SGCZ: variants seen among roughly 807,000 people sequenced by gnomAD.
SGCZ encodes the protein sarcoglycan zeta.
Under a neutral mutation model 41.3 loss-of-function variants are expected in SGCZ, and 40 were observed. That is an observed-to-expected ratio of 0.97 (90% CI 0.75 to 1.26). The LOEUF (loss-of-function observed/expected upper bound fraction) is 1.26, where lower values mean the gene tolerates loss of function less well. SGCZ is among the 50% of genes most tolerant of loss of function. SGCZ has a pLI of 0.00. For missense variants in SGCZ, 552 were observed against 369.8 expected, an observed-to-expected ratio of 1.49 and a Z score of -4.04; for synonymous variants, 206 against 137.5, an observed-to-expected ratio of 1.50 and a Z score of -3.49.
intron 2 of SGCZ, among the ~76,000 whole-genome samples, chr8:14,518,348 A>ATG (rs1315731757): frequency 6.6e-6 from 1 of 152,110 alleles, no homozygotes; most frequent in Non-Finnish European, 1.5e-5. Flanking sequence ...GTGTGTATGT[A>ATG]TGTGTGTATA....
At chr8:14,702,770 TAGATAGATAGACAGAC>T (rs1809184340) in intron 1 of SGCZ, among the ~76,000 whole-genome samples, 1 of 138,950 alleles carries the variant, frequency 7.2e-6, no homozygotes, top group Non-Finnish European at 1.6e-5. Flanking sequence ...GATAGATAGA[TAGATAGATAGACAGAC>T]AGACAGGCAG....
chr8:14,497,757 G>A (rs183007000), intron 2 of SGCZ, among the ~76,000 whole-genome samples: 1 of 151,946 alleles, frequency 6.6e-6, no homozygotes, highest in Non-Finnish European at 1.5e-5. Context: ...CCTCCCACTG[G>A]GTCCCACCAC....
intron 2 of SGCZ, among the ~76,000 whole-genome samples, chr8:14,443,014 T>C (rs937820935): frequency 3.3e-5 from 5 of 151,948 alleles, no homozygotes; most frequent in Non-Finnish European, 7.4e-5. Context: ...TATAAACCAA[T>C]AACAGCCAAA....
In SGCZ at chr8:14,883,421, T is replaced by C. The variant is rs867259687; in HGVS notation, c.40-328495A>G. ...CTTGTGCTTTAGCCATATTCAATATTATACATTAAATACACAAATAGTTTT... is the reference window on the plus strand; with the variant it reads ...CTTGTGCTTTAGCCATATTCAATATCATACATTAAATACACAAATAGTTTT... On this transcript the variant is annotated intron_variant, in intron 1 of 7. Transcript: ENST00000382080. 1.3e-5 allele frequency among the ~76,000 whole-genome samples: 2 copies of C among 152,054 alleles called. 1 individual carries two copies. Among genetic ancestry groups the C allele is most frequent in the South Asian group, 4.1e-4 (2 of 4,826 alleles).
At chr8:14,415,983 A>G (rs1340878867) in intron 2 of SGCZ, among the ~76,000 whole-genome samples, 1 of 151,960 alleles carries the variant, frequency 6.6e-6, no homozygotes, top group Admixed American at 6.6e-5. Flanking sequence ...TATTTATTGT[A>G]TGGTTTCCAA....
At chr8:15,223,474 G>C (rs76420472) in intron 1 of SGCZ, among the ~76,000 whole-genome samples, 3,420 of 152,222 alleles carry the variant, frequency 0.022, 55 homozygotes, top group Middle Eastern at 0.037. Flanking sequence ...TAAATCACTA[G>C]TCCCAGTAAC....
chr8:14,594,325 T>C (rs1360017228), intron 1 of SGCZ, among the ~76,000 whole-genome samples: 3 of 152,068 alleles, frequency 2.0e-5, no homozygotes, highest in Non-Finnish European at 4.4e-5. Flanking sequence ...ATGTTGATGC[T>C]ACTGGTCCAG....
At chr8:14,174,292 G>C (rs1804477825) in intron 4 of SGCZ, among the ~76,000 whole-genome samples, 1 of 152,184 alleles carries the variant, frequency 6.6e-6, no homozygotes, top group South Asian at 2.1e-4. Flanking sequence ...CAGTTTATCA[G>C]AATAATGAGT....
chr8:14,173,920 C>A (rs4831543), intron 4 of SGCZ, among the ~76,000 whole-genome samples: 147,429 of 152,200 alleles, frequency 0.97, 71,454 homozygotes, highest in East Asian at 0.99. Flanking sequence ...GACATGCTAA[C>A]ATACATGACT....
chr8:14,854,574 T>A (rs1325157495), intron 1 of SGCZ, among the ~76,000 whole-genome samples: 3 of 152,212 alleles, frequency 2.0e-5, no homozygotes, highest in African/African-American at 7.2e-5. Context: ...GTGGTTTTCA[T>A]TATTTTTCAA....
At chr8:14,431,761 G>GA (rs1156393602) in intron 2 of SGCZ, among the ~76,000 whole-genome samples, 3 of 152,110 alleles carry the variant, frequency 2.0e-5, no homozygotes, top group Non-Finnish European at 4.4e-5. Flanking sequence ...CAGAGCGGGA[G>GA]AAAATCTTCA....
chr8:15,155,281 C>A (rs1468690831), intron 1 of SGCZ, among the ~76,000 whole-genome samples: 1 of 151,820 alleles, frequency 6.6e-6, no homozygotes, highest in Non-Finnish European at 1.5e-5. Flanking sequence ...GGTGACAGAC[C>A]CAGACCCTGT....
At chr8:14,094,390 G>C (rs940298021) in intron 7 of SGCZ, among the ~76,000 whole-genome samples, 1 of 151,964 alleles carries the variant, frequency 6.6e-6, no homozygotes, top group African/African-American at 2.4e-5. Flanking sequence ...TGTGGTGTTT[G>C]GTTTTCTGTT....
chr8:14,766,727 A>ATTTTTTTTTTT (rs33955290), intron 1 of SGCZ, among the ~76,000 whole-genome samples: 503 of 92,700 alleles, frequency 5.4e-3, no homozygotes, highest in African/African-American at 0.011. Flanking sequence ...ATGTCCAGCT[A>ATTTTTTTTTTT]TTTTTTTTTT....
intron 1 of SGCZ, among the ~76,000 whole-genome samples, chr8:14,987,048 A>G (rs1006688143): frequency 6.6e-6 from 1 of 151,960 alleles, no homozygotes; most frequent in African/African-American, 2.4e-5. Flanking sequence ...TAACTATTAC[A>G]TGTCTGAAGT....
chr8:14,446,963 C>T (rs565340402), intron 2 of SGCZ, among the ~76,000 whole-genome samples: 1 of 152,242 alleles, frequency 6.6e-6, no homozygotes, highest in African/African-American at 2.4e-5. Flanking sequence ...AAAAGATTAA[C>T]TTTCAAGCAA....
At chr8:14,126,374 C>T (rs534947293) in intron 5 of SGCZ, among the ~76,000 whole-genome samples, 14 of 152,132 alleles carry the variant, frequency 9.2e-5, no homozygotes, top group East Asian at 7.7e-4. Flanking sequence ...AAACATATAA[C>T]GAAAAAACTC....
At chr8:14,560,931 C>A (rs1188538430) in intron 1 of SGCZ, among the ~76,000 whole-genome samples, 1 of 152,028 alleles carries the variant, frequency 6.6e-6, no homozygotes, top group African/African-American at 2.4e-5. Context: ...ATATTATTTT[C>A]TTTAATAAAG....
At chr8:15,132,020 A>G (rs1464623570) in intron 1 of SGCZ, among the ~76,000 whole-genome samples, 1 of 152,232 alleles carries the variant, frequency 6.6e-6, no homozygotes, top group Non-Finnish European at 1.5e-5. Context: ...TTTCTAGAAC[A>G]AATGTATAAT....
Sources: allele counts gnomAD v4.1 joint callset (sites outside exome capture counted in the v4.1 genomes callset), GRCh38; gene constraint gnomAD v4.1.1; transcripts MANE v1.5; gene names NCBI Gene and HGNC (gene_info 2026-07-23, HGNC 2026-07-21).